OSBPL10: variants seen among roughly 807,000 people sequenced by gnomAD.
OSBPL10 encodes oxysterol-binding protein-related protein 10.
A neutral mutation model predicts 81.7 loss-of-function variants in OSBPL10; 49 were observed. The ratio of observed to expected loss-of-function variants is 0.60; its 90% confidence interval spans 0.48 to 0.76. The LOEUF is 0.76. Among genes scored for constraint, OSBPL10 ranks in the 30% least tolerant of loss-of-function variants. The pLI is 0.00. For missense variants in OSBPL10, 923 were observed against 987.8 expected, an observed-to-expected ratio of 0.93 and a Z score of 0.88; for synonymous variants, 419 against 383.6, an observed-to-expected ratio of 1.09 and a Z score of -1.08.
At chr3:31,928,017 G>C (rs937203284) in intron 1 of OSBPL10, among the ~76,000 whole-genome samples, 1 of 152,168 alleles carries the variant, frequency 6.6e-6, no homozygotes, top group Non-Finnish European at 1.5e-5. Flanking sequence ...TGAGGAACAA[G>C]AAGTGAGAGA....
intron 3 of OSBPL10, among the ~76,000 whole-genome samples, chr3:31,839,486 A>G (rs1700440367): frequency 6.6e-6 from 1 of 152,136 alleles, no homozygotes; most frequent in African/African-American, 2.4e-5. Context: ...AAAAAGACAA[A>G]TAGGTGAAAT....
At chr3:31,852,722 G>C (rs543163000) in intron 3 of OSBPL10, among the ~76,000 whole-genome samples, 2 of 152,094 alleles carry the variant, frequency 1.3e-5, no homozygotes, top group East Asian at 3.9e-4. Context: ...GAGACTACAG[G>C]CACACGCCAC....
In OSBPL10 at chr3:31,748,062, G is replaced by A. The variant is rs757079050; in HGVS notation, c.788C>T (p.Pro263Leu). The change falls in exon 5 of 12, where the codon CCA (proline) becomes CTA (leucine). Residue 263 changes from proline (P) to leucine (L), a missense_variant. Coordinates refer to ENST00000396556, the MANE Select transcript of OSBPL10 (RefSeq NM_017784.5). The part of the protein sequence containing the change: ...KNLVHAIESL[P>L]GSGPLTALDQ... Reference sequence around the variant, plus strand: ...CAAGGCAGTGAGGGGGCCGGACCCTGGCAGGGACTCAATGGCGTGCACAAG... The same window carrying A: ...CAAGGCAGTGAGGGGGCCGGACCCTAGCAGGGACTCAATGGCGTGCACAAG... The A allele has an allele frequency of 6.2e-7, 1 of 1,614,140 alleles. No homozygotes were observed. The highest frequency in any genetic ancestry group is 8.5e-7 in the Non-Finnish European group (1 of 1,180,030).
intron 6 of OSBPL10, among the ~76,000 whole-genome samples, chr3:31,718,510 A>G (rs1284275761): frequency 6.6e-6 from 1 of 152,210 alleles, no homozygotes; most frequent in African/African-American, 2.4e-5. Flanking sequence ...GAATTTGTCA[A>G]TTTAGAGATT....
At chr3:31,953,674 G>A (rs1697931525) in intron 1 of OSBPL10, among the ~76,000 whole-genome samples, 1 of 152,160 alleles carries the variant, frequency 6.6e-6, no homozygotes, top group African/African-American at 2.4e-5. Context: ...CCAAAGTGCT[G>A]GAATGACAAG....
chr3:31,881,820 A>T (rs1386014899), intron 1 of OSBPL10, among the ~76,000 whole-genome samples: 1 of 152,240 alleles, frequency 6.6e-6, no homozygotes, highest in African/African-American at 2.4e-5. Flanking sequence ...AGCAAAGTTC[A>T]CAAACCTCTA....
intron 2 of OSBPL10, among the ~76,000 whole-genome samples, chr3:32,036,047 C>G (rs1412403011): frequency 6.6e-6 from 1 of 152,094 alleles, no homozygotes; most frequent in Non-Finnish European, 1.5e-5. Flanking sequence ...TATTTTATCA[C>G]AATTTAAAAA....
At chr3:32,052,696 C>A (rs1699678092) in intron 1 of OSBPL10, among the ~76,000 whole-genome samples, 4 of 152,184 alleles carry the variant, frequency 2.6e-5, no homozygotes, top group Admixed American at 2.6e-4. Context: ...AGCAAACTAA[C>A]ACAGGAACAG....
At chr3:31,852,707 T>G (rs1392644183) in intron 3 of OSBPL10, among the ~76,000 whole-genome samples, 1 of 151,950 alleles carries the variant, frequency 6.6e-6, no homozygotes, top group Non-Finnish European at 1.5e-5. Context: ...GCCTCCCAAG[T>G]AAGTGAGACT....
intron 4 of OSBPL10, among the ~76,000 whole-genome samples, chr3:31,823,569 C>T (rs1700030159): frequency 6.6e-6 from 1 of 152,146 alleles, no homozygotes. Flanking sequence ...TCCTCCCAAC[C>T]TGTCCACAGC....
chr3:31,758,856 T>C (rs1245328716), intron 4 of OSBPL10, among the ~76,000 whole-genome samples: 1 of 152,222 alleles, frequency 6.6e-6, no homozygotes, highest in African/African-American at 2.4e-5. Context: ...ATAAATCCTG[T>C]CTTATTCTTC....
intron 6 of OSBPL10, among the ~76,000 whole-genome samples, chr3:31,727,456 G>A (rs900590212): frequency 3.3e-5 from 5 of 152,006 alleles, no homozygotes; most frequent in Non-Finnish European, 7.4e-5. Context: ...GATGATGAGA[G>A]ATGAGGAATG....
intron 4 of OSBPL10, among the ~76,000 whole-genome samples, chr3:31,809,067 C>T (rs1699597496): frequency 6.6e-6 from 1 of 152,168 alleles, no homozygotes. Flanking sequence ...ATAATCACAA[C>T]CGCCACTACT....
chr3:31,978,561 A>T (rs1425764569), intron 1 of OSBPL10, among the ~76,000 whole-genome samples: 1 of 152,190 alleles, frequency 6.6e-6, no homozygotes, highest in East Asian at 1.9e-4. Flanking sequence ...TCTCCAAACC[A>T]CTAATGGACC....
intron 2 of OSBPL10, among the ~76,000 whole-genome samples, chr3:31,878,655 A>G (rs1701541261): frequency 6.6e-6 from 1 of 152,226 alleles, no homozygotes; most frequent in Non-Finnish European, 1.5e-5. Flanking sequence ...GCAACTGATC[A>G]TGGTCACGAA....
chr3:31,808,921 CAATT>C (rs1280410074), intron 4 of OSBPL10, among the ~76,000 whole-genome samples: 1 of 152,172 alleles, frequency 6.6e-6, no homozygotes, highest in Non-Finnish European at 1.5e-5. Flanking sequence ...TCAAAGGAAT[CAATT>C]AATACCTCTT....
In OSBPL10 at chr3:31,909,649, G is replaced by A. The variant is rs868647264; in HGVS notation, c.282-29819C>T. On this transcript the variant is annotated intron_variant, in intron 1 of 11. Transcript: ENST00000396556. ...AGTACGGCCACTTGGACACCCCAACGATTTCACTTCCCTCCATTTCAGATC... is the reference window on the plus strand; with the variant it reads ...AGTACGGCCACTTGGACACCCCAACAATTTCACTTCCCTCCATTTCAGATC... 2.2e-4 allele frequency among the ~76,000 whole-genome samples: 33 copies of A among 152,194 alleles called. 1 individual carries two copies. Among genetic ancestry groups the A allele is most frequent in the Middle Eastern group, 3.4e-3 (1 of 292 alleles).
intron 8 of OSBPL10, among the ~76,000 whole-genome samples, chr3:31,676,686 C>T (rs1203755556): frequency 6.6e-6 from 1 of 152,234 alleles, no homozygotes; most frequent in Non-Finnish European, 1.5e-5. Context: ...TGCTTCCTCT[C>T]ATTAGAACTA....
chr3:31,905,531 G>A (rs1696383927), intron 1 of OSBPL10, among the ~76,000 whole-genome samples: 1 of 151,528 alleles, frequency 6.6e-6, no homozygotes, highest in South Asian at 2.1e-4. Context: ...TGTATTTTTA[G>A]TAGAGACATG....
Sources: gnomAD v4.1 joint callset for allele counts (sites outside exome capture counted in the v4.1 genomes callset) on GRCh38, gnomAD v4.1.1 for gene constraint, MANE v1.5 for transcripts, NCBI Gene and HGNC (gene_info 2026-07-23, HGNC 2026-07-21) for gene names.